RTTN: variants seen among roughly 807,000 people sequenced by gnomAD.
RTTN encodes rotatin.
A neutral mutation model predicts 269.2 loss-of-function variants in RTTN; 182 were observed. That is an observed-to-expected ratio of 0.68 (90% CI 0.60 to 0.76). The LOEUF is 0.76. Ranked by LOEUF, RTTN falls within the 30% of genes least tolerant of loss-of-function variation. The pLI, the probability that RTTN is intolerant of heterozygous loss-of-function variation, is 0.00. For synonymous variants in RTTN, 1,006 were observed against 963.5 expected (o/e 1.04, Z -0.82); for missense variants, 2,545 against 2,608.6 (o/e 0.98, Z 0.53).
At chr18:70,123,083 G>A (rs537614536) in intron 25 of RTTN, among the ~76,000 whole-genome samples, 42 of 152,198 alleles carry the variant, frequency 2.8e-4, no homozygotes, top group African/African-American at 1.0e-3. Context: ...TGGCATTTTA[G>A]TCTAGAGGAG....
At chr18:70,074,776 T>G (rs1409305270) in intron 33 of RTTN, 1 of 151,686 alleles carries the variant, frequency 6.6e-6, no homozygotes, top group Admixed American at 6.6e-5. Flanking sequence ...TGTGCTCAGA[T>G]CTTATACTTA....
Position 70,149,034 on chromosome 18 carries a change from A to G in RTTN, c.2176T>C (p.Tyr726His). Residue 726 changes from tyrosine to histidine, a missense_variant, in exon 17 of 49, where the codon TAT becomes CAT. Tyr to His is a moderately conservative substitution (Grantham distance 83). Coordinates refer to ENST00000640769, the MANE Select transcript of RTTN (RefSeq NM_173630.4). ...LCPVIPILQG[Y>H]ADTEDPLGNC... ...CCCAGAGGATCTTCTGTGTCGGCAT[A>G]GCCCTAATAGATTTGTTTTTAAAGA... is the stretch of plus-strand genomic sequence containing the variant. 6.2e-7 allele frequency: 1 copy of G among 1,608,002 alleles called. No individual in the cohort carries two copies. Among genetic ancestry groups the G allele is most frequent in the Non-Finnish European group, 8.5e-7 (1 of 1,177,988 alleles).
intron 28 of RTTN, among the ~76,000 whole-genome samples, chr18:70,100,697 G>A (rs2059136066): frequency 6.6e-6 from 1 of 152,090 alleles, no homozygotes; most frequent in African/African-American, 2.4e-5. Flanking sequence ...CATTCAGTAT[G>A]ATATTGGCTG....
rs1454171968 is a variant in RTTN at position 70,100,801 on chromosome 18, T to G, written c.3904-7997A>C. ...TTTAGCATGAAGGGCTGTTGAATTT[T>G]GTCAATGGCCTTTTCTGCATCTATT... On this transcript the variant is annotated intron_variant, in intron 28 of 48. Coordinates refer to ENST00000640769, the MANE Select transcript of RTTN (RefSeq NM_173630.4). Among the ~76,000 whole-genome samples the G allele has an allele frequency of 3.9e-5, 6 of 152,370 alleles. No homozygotes were observed. In the South Asian group the frequency reaches 1.2e-3, roughly 32 times the overall value.
chr18:70,129,063 C>T (rs2059935049), intron 23 of RTTN: 1 of 152,052 alleles, frequency 6.6e-6, no homozygotes, highest in African/African-American at 2.4e-5. Context: ...CACTTGAGAA[C>T]ATGGTTTCAT....
At chr18:70,104,498 G>A (rs759231028) in intron 28 of RTTN, among the ~76,000 whole-genome samples, 5 of 152,164 alleles carry the variant, frequency 3.3e-5, no homozygotes, top group African/African-American at 4.8e-5. Context: ...CTCTCAACTC[G>A]TCAAAGTCAT....
chr18:70,020,276 G>T (rs1341100406), intron 45 of RTTN, among the ~76,000 whole-genome samples: 1 of 152,112 alleles, frequency 6.6e-6, no homozygotes, highest in African/African-American at 2.4e-5. Context: ...GCCCAATTTG[G>T]TCTGTTTAAA....
At chr18:70,073,581 C>A (rs142067786) in intron 34 of RTTN, among the ~76,000 whole-genome samples, 1 of 152,106 alleles carries the variant, frequency 6.6e-6, no homozygotes, top group Admixed American at 6.5e-5. Context: ...GTTGAAAATT[C>A]TCAACTAAAG....
chr18:70,145,742 G>T lies in RTTN; in HGVS notation c.2351C>A (p.Thr784Asn). The change falls in exon 18 of 49, where the codon ACC becomes AAC. Residue 784 changes from threonine (T) to asparagine (N), a missense_variant. Coordinates refer to ENST00000640769, the MANE Select transcript of RTTN (RefSeq NM_173630.4). ...CTTTGTATCAGCCCCTTCTTCACTGGTAAGATGGAATGCTAAAAGCTTTAA... is the reference window on the plus strand; with the variant it reads ...CTTTGTATCAGCCCCTTCTTCACTGTTAAGATGGAATGCTAAAAGCTTTAA... The part of the protein sequence containing the change: ...LALKLLAFHL[T>N]SEEGADTKRP... 1.2e-6 allele frequency: 2 copies of T among 1,612,918 alleles called. No homozygotes were observed. Among genetic ancestry groups the T allele is most frequent in the East Asian group, 2.2e-5 (1 of 44,842 alleles).
At chr18:70,174,946 T>C (rs1167690866) in intron 11 of RTTN, among the ~76,000 whole-genome samples, 1 of 148,662 alleles carries the variant, frequency 6.7e-6, no homozygotes, top group Non-Finnish European at 1.5e-5. Flanking sequence ...GAGAATCACT[T>C]GAACCTGGGA....
intron 27 of RTTN, among the ~76,000 whole-genome samples, chr18:70,112,008 T>TCCCA (rs1393424041): frequency 6.6e-6 from 1 of 151,674 alleles, no homozygotes; most frequent in Admixed American, 6.6e-5. Context: ...ATTCAACCTT[T>TCCCA]CTAAAGAAAA....
intron 28 of RTTN, among the ~76,000 whole-genome samples, chr18:70,101,663 G>GA (rs2059170833): frequency 6.6e-6 from 1 of 152,112 alleles, no homozygotes; most frequent in South Asian, 2.1e-4. Flanking sequence ...TTTTAACTGT[G>GA]ATGTTAGGGT....
chr18:70,112,210 T>A (rs1215559811), intron 27 of RTTN, among the ~76,000 whole-genome samples: 1 of 152,010 alleles, frequency 6.6e-6, no homozygotes, highest in African/African-American at 2.4e-5. Flanking sequence ...CATACCAAAT[T>A]GTAAAGAACA....
At chr18:70,079,297 G>A (rs1379597821) in intron 32 of RTTN, among the ~76,000 whole-genome samples, 1 of 151,880 alleles carries the variant, frequency 6.6e-6, no homozygotes, top group Non-Finnish European at 1.5e-5. Context: ...AGAAAACCGA[G>A]TAATCTGAAA....
rs929460745 is a variant in RTTN at position 70,204,131 on chromosome 18, C to G, written c.352G>C (p.Glu118Gln). The change falls in exon 3 of 49, where the codon GAA (glutamate) becomes CAA (glutamine). Residue 118 changes from glutamate (E) to glutamine (Q), a missense_variant. Physicochemically the swap from Glu to Gln is conservative, Grantham distance 29. Transcript: ENST00000640769. ...GAGGCAGAAGATAGTGCAGGAACTTCCGAAGGAAGAAGAAAAAGTCCATCC... is the reference window on the plus strand; with the variant it reads ...GAGGCAGAAGATAGTGCAGGAACTTGCGAAGGAAGAAGAAAAAGTCCATCC... ...ILDGLFLLPS[E>Q]VPALSSASYQ... 5.6e-6 allele frequency: 9 copies of G among 1,613,992 alleles called. No homozygotes were observed. The highest frequency in any genetic ancestry group is 3.3e-5 in the Admixed American group (2 of 60,008).
chr18:70,106,710 T>C (rs2059330266), intron 28 of RTTN, among the ~76,000 whole-genome samples: 2 of 150,822 alleles, frequency 1.3e-5, no homozygotes, highest in Admixed American at 6.6e-5. Context: ...AAAAAAGAGG[T>C]TTGGATTGAA....
At chr18:70,030,412 T>C (rs2056979054) in intron 41 of RTTN, among the ~76,000 whole-genome samples, 1 of 152,158 alleles carries the variant, frequency 6.6e-6, no homozygotes, top group Non-Finnish European at 1.5e-5. Context: ...GTTGCCATTA[T>C]TCTCTTTTAA....
chr18:70,047,698 AC>A (rs2057530394), intron 40 of RTTN, among the ~76,000 whole-genome samples: 1 of 152,240 alleles, frequency 6.6e-6, no homozygotes, highest in Non-Finnish European at 1.5e-5. Flanking sequence ...GATATGAAAC[AC>A]TGTTTTGATC....
At position 70,047,688 on chromosome 18, in the gene RTTN, G is replaced by C. The variant is rs145056077; in HGVS notation, c.5541+283C>G. On this transcript the variant is annotated intron_variant, in intron 40 of 48. Transcript: ENST00000640769. Reference sequence around the variant, plus strand: ...TCTGAAATATATCCATTTTGGTCATGATATGAAACACTGTTTTGATCAACT... The same window carrying C: ...TCTGAAATATATCCATTTTGGTCATCATATGAAACACTGTTTTGATCAACT... 9.3e-3 allele frequency among the ~76,000 whole-genome samples: 1,423 copies of C among 152,290 alleles called. 7 individuals are homozygous for C. Among genetic ancestry groups the C allele is most frequent in the Non-Finnish European group, 0.016 (1,113 of 68,030 alleles).
Sources: gnomAD v4.1 joint callset for allele counts (sites outside exome capture counted in the v4.1 genomes callset) on GRCh38, gnomAD v4.1.1 for gene constraint, MANE v1.5 for transcripts, NCBI Gene and HGNC (gene_info 2026-07-23, HGNC 2026-07-21) for gene names.